The following CRCP variants were observed in gnomAD, a reference collection of about 807,000 sequenced individuals.
CRCP encodes the protein DNA-directed RNA polymerase III subunit RPC9.
In CRCP, 18 loss-of-function variants were observed where a neutral mutation model predicts 18.5. The ratio of observed to expected loss-of-function variants is 0.97; its 90% confidence interval spans 0.67 to 1.44. The LOEUF is 1.44. CRCP is among the 40% of genes most tolerant of loss of function. CRCP has a pLI of 0.00. For synonymous variants in CRCP, 53 were observed against 62.9 expected (o/e 0.84, Z 0.75); for missense variants, 130 against 176.4 (o/e 0.74, Z 1.49).
chr7:66,145,602 C>A, intron 5 of CRCP, 102 bp downstream of exon 5: 4 of 1,174,972 alleles, frequency 3.4e-6, no homozygotes, highest in Non-Finnish European at 5.1e-6. Flanking sequence ...AGAGGCTGCC[C>A]AACCACTCCA....
intron 1 of CRCP, among the ~76,000 whole-genome samples, chr7:66,117,039 T>G (rs531841264): frequency 2.4e-4 from 36 of 150,230 alleles, no homozygotes; most frequent in Non-Finnish European, 3.4e-4. Context: ...GAGAATCGCT[T>G]GAACTCGGGA....
At chr7:66,118,097 C>G (rs1787325711) in intron 1 of CRCP, among the ~76,000 whole-genome samples, 1 of 152,232 alleles carries the variant, frequency 6.6e-6, no homozygotes, top group South Asian at 2.1e-4. Flanking sequence ...CCTGCCTCAG[C>G]CTACCAAGTA....
At chr7:66,132,305 C>T (rs544173373) in intron 3 of CRCP, among the ~76,000 whole-genome samples, 19 of 152,300 alleles carry the variant, frequency 1.2e-4, no homozygotes, top group African/African-American at 4.3e-4. Flanking sequence ...AACATGTCCC[C>T]ATAATGTCAT....
At chr7:66,148,456 A>T (rs926990005) in intron 5 of CRCP, among the ~76,000 whole-genome samples, 26 of 152,280 alleles carry the variant, frequency 1.7e-4, no homozygotes, top group African/African-American at 5.5e-4. Flanking sequence ...CACTAGAGCC[A>T]TTTTTTCTCC....
chr7:66,148,178 A>G (rs1193144608), intron 5 of CRCP, among the ~76,000 whole-genome samples: 1 of 152,126 alleles, frequency 6.6e-6, no homozygotes, highest in Non-Finnish European at 1.5e-5. Context: ...CTTGGCCAAC[A>G]TGGCGAAACC....
At chr7:66,121,741 A>AAT (rs976978114) in intron 1 of CRCP, among the ~76,000 whole-genome samples, 3 of 152,170 alleles carry the variant, frequency 2.0e-5, no homozygotes, top group Non-Finnish European at 4.4e-5. Flanking sequence ...TCTTGAACGT[A>AAT]ATATATATAA....
intron 1 of CRCP, among the ~76,000 whole-genome samples, chr7:66,122,979 G>A (rs969437303): frequency 1.4e-5 from 2 of 147,540 alleles, no homozygotes; most frequent in African/African-American, 5.0e-5. Context: ...TTTTGAGATG[G>A]AGTCTCGCTC....
At chr7:66,127,391 G>A (rs1275837585) in intron 1 of CRCP, among the ~76,000 whole-genome samples, 1 of 152,218 alleles carries the variant, frequency 6.6e-6, no homozygotes, top group Non-Finnish European at 1.5e-5. Context: ...TTGGTGTTAA[G>A]TGGGCCATTT....
intron 3 of CRCP, 120 bp from the exon 4 acceptor site, chr7:66,134,160 T>G (rs1787898198): frequency 2.6e-6 from 2 of 780,740 alleles, no homozygotes. Flanking sequence ...GTGCCCAGCC[T>G]CTACAGGATT....
chr7:66,117,766 T>A (rs575807832), intron 1 of CRCP, among the ~76,000 whole-genome samples: 1 of 152,180 alleles, frequency 6.6e-6, no homozygotes, highest in African/African-American at 2.4e-5. Flanking sequence ...TCTCCATCTC[T>A]TACCAGGACC....
intron 3 of CRCP, among the ~76,000 whole-genome samples, chr7:66,131,824 A>G (rs1373384568): frequency 6.7e-6 from 1 of 149,440 alleles, no homozygotes; most frequent in Non-Finnish European, 1.5e-5. Flanking sequence ...CTGGAGTGCC[A>G]TGGCGCAACC....
At chr7:66,121,168 G>T (rs1562758606) in intron 1 of CRCP, among the ~76,000 whole-genome samples, 1 of 151,584 alleles carries the variant, frequency 6.6e-6, no homozygotes. Context: ...TCCGCCTCCC[G>T]AGTTCAAGCA....
At chr7:66,138,503 A>G (rs2115985260) in intron 4 of CRCP, among the ~76,000 whole-genome samples, 1 of 151,658 alleles carries the variant, frequency 6.6e-6, no homozygotes, top group African/African-American at 2.4e-5. Context: ...TCACTTCACT[A>G]GCCTGGGCGC....
intron 4 of CRCP, among the ~76,000 whole-genome samples, chr7:66,140,289 A>G (rs1478260946): frequency 6.6e-6 from 1 of 152,050 alleles, no homozygotes; most frequent in Non-Finnish European, 1.5e-5. Flanking sequence ...CTCCACCCCA[A>G]ATGGTTCTCA....
intron 1 of CRCP, chr7:66,120,619 T>C (rs1174583750): frequency 6.6e-6 from 1 of 151,828 alleles, no homozygotes; most frequent in Non-Finnish European, 1.5e-5. Flanking sequence ...GAACCTTGAG[T>C]TGCAGATACA....
Position 66,130,678 on chromosome 7 carries a change from C to G in CRCP, c.46-66C>G. On this transcript the variant is annotated intron_variant, in intron 2 of 5. Coordinates refer to ENST00000395326, the MANE Select transcript of CRCP (RefSeq NM_014478.5). The stretch of plus-strand genomic sequence containing the variant: ...TACTTTCCTGTTTATCCTTCAAAAC[C>G]ACTGACCTTGGATAGATATATTTCT... 3 of 930,660 alleles carry G rather than the reference C, an allele frequency of 3.2e-6. No homozygotes were observed. In the East Asian group the frequency reaches 7.3e-5, roughly 23 times the overall value. The allele number at this position is 930,660 out of a possible 1,614,324, so 57.7% of individuals were successfully genotyped here.
At chr7:66,151,414 G>T (rs551980278) in intron 5 of CRCP, among the ~76,000 whole-genome samples, 1 of 151,978 alleles carries the variant, frequency 6.6e-6, no homozygotes, top group South Asian at 2.1e-4. Context: ...CGAAAAATAC[G>T]AACAGTTAAC....
At chr7:66,136,452 A>C (rs1168326103) in intron 4 of CRCP, among the ~76,000 whole-genome samples, 2 of 151,952 alleles carry the variant, frequency 1.3e-5, no homozygotes, top group East Asian at 3.9e-4. Context: ...CTGGTCTCGA[A>C]CTCCCAACCT....
chr7:66,115,178 C>T (rs1787218315), intron 1 of CRCP, among the ~76,000 whole-genome samples: 1 of 152,180 alleles, frequency 6.6e-6, no homozygotes, highest in Admixed American at 6.6e-5. Flanking sequence ...CCCCTCCACG[C>T]CGTGTCTGGT....
Sources: allele counts gnomAD v4.1 joint callset (sites outside exome capture counted in the v4.1 genomes callset), GRCh38; gene constraint gnomAD v4.1.1; transcripts MANE v1.5; gene names NCBI Gene and HGNC (gene_info 2026-07-23, HGNC 2026-07-21).